The following FRMD4A variants were observed in gnomAD, a reference collection of about 807,000 sequenced individuals.
FRMD4A encodes FERM domain-containing protein 4A.
In FRMD4A, 29 loss-of-function variants were observed where a neutral mutation model predicts 129.1. The observed-to-expected ratio is 0.22, with a 90% CI of 0.17 to 0.31. The LOEUF (loss-of-function observed/expected upper bound fraction) is 0.31, where lower values mean the gene tolerates loss of function less well. Among genes scored for constraint, FRMD4A ranks in the 10% least tolerant of loss-of-function variants. The pLI is 1.00. For synonymous variants in FRMD4A, 634 were observed against 571.6 expected, an observed-to-expected ratio of 1.11 and a Z score of -1.56; for missense variants, 1,272 against 1,375.8, an observed-to-expected ratio of 0.92 and a Z score of 1.19.
intron 2 of FRMD4A, among the ~76,000 whole-genome samples, chr10:14,292,224 T>A (rs1328371190): frequency 6.6e-6 from 1 of 152,204 alleles, no homozygotes; most frequent in African/African-American, 2.4e-5. Flanking sequence ...GAAGGAGGAT[T>A]CGTCTTGCAG....
intron 2 of FRMD4A, among the ~76,000 whole-genome samples, chr10:13,957,803 C>A (rs1311129493): frequency 6.6e-6 from 1 of 152,128 alleles, no homozygotes; most frequent in African/African-American, 2.4e-5. Flanking sequence ...ATCTTTCTGG[C>A]CCCTAAAACT....
intron 2 of FRMD4A, among the ~76,000 whole-genome samples, chr10:14,078,368 A>G (rs1459061267): frequency 6.6e-6 from 1 of 152,256 alleles, no homozygotes; most frequent in African/African-American, 2.4e-5. Context: ...TCCTGGCAAC[A>G]GGCTCAAGGC....
chr10:13,768,035 C>CT (rs35517208), intron 6 of FRMD4A, among the ~76,000 whole-genome samples: 30,455 of 151,842 alleles, frequency 0.2, 3,748 homozygotes, highest in Non-Finnish European at 0.26. Context: ...TTCCTTTGAT[C>CT]TTTGAGAAAT....
intron 2 of FRMD4A, among the ~76,000 whole-genome samples, chr10:14,119,356 A>G (rs1292092683): frequency 6.6e-6 from 1 of 152,226 alleles, no homozygotes; most frequent in Non-Finnish European, 1.5e-5. Context: ...TGTTACCAGC[A>G]GGAGACGGAA....
chr10:13,744,795 G>A (rs2091207523), intron 9 of FRMD4A: 1 of 152,268 alleles, frequency 6.6e-6, no homozygotes, highest in Admixed American at 6.5e-5. Context: ...AGGGGTCCTG[G>A]TTAACCTTGC....
intron 2 of FRMD4A, among the ~76,000 whole-genome samples, chr10:14,190,551 G>C (rs1223009563): frequency 6.6e-6 from 1 of 152,048 alleles, no homozygotes; most frequent in Non-Finnish European, 1.5e-5. Context: ...TATCACACCT[G>C]GCTAATAAAT....
intron 15 of FRMD4A, chr10:13,684,626 C>T: frequency 1.0e-6 from 1 of 985,402 alleles, no homozygotes; most frequent in South Asian, 4.7e-5. Flanking sequence ...CCCTGGGCGA[C>T]TCAGCACCGG....
At chr10:13,955,118 T>A (rs1178000772) in intron 2 of FRMD4A, among the ~76,000 whole-genome samples, 1 of 139,574 alleles carries the variant, frequency 7.2e-6, no homozygotes, top group Admixed American at 7.3e-5. Flanking sequence ...TCTGCTTTTT[T>A]TTTTTTTGAG....
intron 2 of FRMD4A, among the ~76,000 whole-genome samples, chr10:13,927,275 C>A (rs574910691): frequency 6.6e-6 from 1 of 151,650 alleles, no homozygotes; most frequent in South Asian, 2.1e-4. Context: ...AAAAAAAATT[C>A]GGTTGAGAAT....
chr10:14,105,054 C>A (rs931982585), intron 2 of FRMD4A, among the ~76,000 whole-genome samples: 2 of 152,178 alleles, frequency 1.3e-5, no homozygotes, highest in Non-Finnish European at 2.9e-5. Flanking sequence ...GATCCTTACG[C>A]GTGGAGTCTC....
At chr10:13,878,822 G>GGGAA (rs71388126) in intron 2 of FRMD4A, among the ~76,000 whole-genome samples, 77,744 of 140,544 alleles carry the variant, frequency 0.55, 21,679 homozygotes, top group South Asian at 0.65. Flanking sequence ...GAGGGAGGGA[G>GGGAA]GGAAGGAAGG....
chr10:13,887,019 G>A lies in FRMD4A; in HGVS notation c.46-28107C>T, dbSNP rs576724418. On this transcript the variant is annotated intron_variant, in intron 2 of 24. Coordinates refer to ENST00000357447, the MANE Select transcript of FRMD4A (RefSeq NM_018027.5). ...CAATGCTCCTGACCACAGACAACACGTTTCTTCTTGTATTGCATCATTGAA... is the reference window on the plus strand; with the variant it reads ...CAATGCTCCTGACCACAGACAACACATTTCTTCTTGTATTGCATCATTGAA... Among the ~76,000 whole-genome samples the A allele has an allele frequency of 3.3e-5, 5 of 152,302 alleles. No individual in the cohort carries two copies. The South Asian group carries it at 1.0e-3, about 32-fold the overall frequency.
rs184903921 is a variant in FRMD4A, at chr10:13,710,251, C to G, written c.760-3138G>C. 2.7e-3 allele frequency among the ~76,000 whole-genome samples: 416 copies of G among 152,348 alleles called. 2 individuals carry two copies. The highest frequency in any genetic ancestry group is 9.2e-3 in the African/African-American group (383 of 41,588). Reference sequence around the variant, plus strand: ...CCTGTGCCTTTCATGGGAAGCCCCCCTCCCCACCCGATGAAGAACCCCAGA... The same window carrying G: ...CCTGTGCCTTTCATGGGAAGCCCCCGTCCCCACCCGATGAAGAACCCCAGA... On this transcript the variant is annotated intron_variant, in intron 12 of 24. Transcript: ENST00000357447.
intron 3 of FRMD4A, among the ~76,000 whole-genome samples, chr10:13,856,032 AT>A (rs1306434668): frequency 6.9e-6 from 1 of 144,736 alleles, no homozygotes; most frequent in Non-Finnish European, 1.5e-5. Context: ...CTATCTATCT[AT>A]CTATCTATCT....
intron 20 of FRMD4A, 57 bp from the exon 21 acceptor site, chr10:13,659,547 G>T (rs1429082889): frequency 6.5e-7 from 1 of 1,537,954 alleles, no homozygotes; most frequent in African/African-American, 1.4e-5. Flanking sequence ...CTTTCCTGGG[G>T]GGCTGGCTAG....
At chr10:13,683,665 C>A (rs928666189) in intron 15 of FRMD4A, among the ~76,000 whole-genome samples, 6 of 150,896 alleles carry the variant, frequency 4.0e-5, no homozygotes, top group African/African-American at 1.5e-4. Context: ...AACCCACAGC[C>A]GGGAGCTAAC....
intron 2 of FRMD4A, among the ~76,000 whole-genome samples, chr10:14,189,144 G>A (rs530255271): frequency 7.2e-5 from 11 of 152,242 alleles, no homozygotes; most frequent in African/African-American, 2.2e-4. Flanking sequence ...AACATCTCGC[G>A]TCAGTGATGA....
chr10:13,834,358 A>G (rs544313531), intron 3 of FRMD4A, among the ~76,000 whole-genome samples: 119 of 152,284 alleles, frequency 7.8e-4, no homozygotes, highest in East Asian at 1.5e-3. Flanking sequence ...CAGGCAGCCT[A>G]ACCAGTTCTC....
rs577246625 is a variant in FRMD4A at position 14,019,126 on chromosome 10, G to T, written c.46-160214C>A. 6.6e-5 allele frequency among the ~76,000 whole-genome samples: 10 copies of T among 152,132 alleles called. No individual in the cohort carries two copies. In the South Asian group the frequency reaches 2.1e-3, roughly 32 times the overall value. ...GAGTTCCCAGAATAATAGAAAAGAG[G>T]ATCCTCAAGAAGACAGTCACGCAAG... is the stretch of plus-strand genomic sequence containing the variant. On this transcript the variant is annotated intron_variant, in intron 2 of 24. Coordinates refer to ENST00000357447, the MANE Select transcript of FRMD4A (RefSeq NM_018027.5).
Sources: gnomAD v4.1 joint callset for allele counts (sites outside exome capture counted in the v4.1 genomes callset) on GRCh38, gnomAD v4.1.1 for gene constraint, MANE v1.5 for transcripts, NCBI Gene and HGNC (gene_info 2026-07-23, HGNC 2026-07-21) for gene names.